The following CFAP54 variants were observed in gnomAD, a reference collection of about 807,000 sequenced individuals.
CFAP54 encodes the protein cilia and flagella associated protein 54.
In CFAP54, 290 loss-of-function variants were observed where a neutral mutation model predicts 370.4. The ratio of observed to expected loss-of-function variants is 0.78; its 90% CI spans 0.71 to 0.86. CFAP54 has a LOEUF of 0.86. CFAP54 is among the 40% of genes least tolerant of loss of function. The pLI is 0.00. For synonymous variants in CFAP54, 1,206 were observed against 1,236.5 expected (o/e 0.98, Z 0.52); for missense variants, 3,399 against 3,528.7 (o/e 0.96, Z 0.93).
At chr12:96,513,129 T>A in intron 5 of CFAP54, 85 bp downstream of exon 5, 1 of 527,412 alleles carries the variant, frequency 1.9e-6, no homozygotes, top group Non-Finnish European at 3.0e-6. Context: ...ATATTGAATG[T>A]TAAACAAGGA....
chr12:96,529,181 A>G (rs925472806), intron 9 of CFAP54, among the ~76,000 whole-genome samples: 2 of 152,200 alleles, frequency 1.3e-5, no homozygotes, highest in African/African-American at 2.4e-5. Context: ...GCACATGACC[A>G]GCTTTGGTAA....
chr12:96,668,962 G>GT (rs1227955074), intron 39 of CFAP54, among the ~76,000 whole-genome samples: 2 of 152,140 alleles, frequency 1.3e-5, no homozygotes, highest in East Asian at 3.8e-4. Flanking sequence ...CCTGTACTAG[G>GT]TACTGAGGAT....
Position 96,720,469 on chromosome 12 carries a change from C to G in CFAP54, c.6869C>G (p.Thr2290Ser), listed in dbSNP as rs1957737268. The change falls in exon 50 of 68, where the codon ACC (threonine) becomes AGC (serine). Residue 2290 changes from threonine (T) to serine (S), a missense_variant. Transcript: ENST00000524981. ...CTTCTGTCCGAGGTGGAACAGAAGACCCTGTCTCAGTGCTCCGCTGGCGAG... is the reference window on the plus strand; with the variant it reads ...CTTCTGTCCGAGGTGGAACAGAAGAGCCTGTCTCAGTGCTCCGCTGGCGAG... Reference protein sequence around the residue: ...NFLLSEVEQKTLSQCSAGELE... With the variant: ...NFLLSEVEQKSLSQCSAGELE... 1.5e-5 allele frequency: 24 copies of G among 1,605,600 alleles called. No homozygotes were observed. Among genetic ancestry groups the G allele is most frequent in the Non-Finnish European group, 2.0e-5 (23 of 1,175,578 alleles).
chr12:96,502,391 G>A (rs1487713912), intron 2 of CFAP54, among the ~76,000 whole-genome samples: 3 of 76,354 alleles, frequency 3.9e-5, no homozygotes, highest in African/African-American at 1.8e-4. Context: ...GCGAAACACT[G>A]TCCCTAAAAA....
chr12:96,546,264 T>C (rs1374268212), intron 14 of CFAP54, among the ~76,000 whole-genome samples: 1 of 152,182 alleles, frequency 6.6e-6, no homozygotes, highest in Admixed American at 6.5e-5. Flanking sequence ...ACCGCAGAAT[T>C]GATTTCATGT....
At chr12:96,658,622 T>TG (rs1175758228) in intron 38 of CFAP54, among the ~76,000 whole-genome samples, 3 of 152,020 alleles carry the variant, frequency 2.0e-5, no homozygotes, top group Non-Finnish European at 4.4e-5. Flanking sequence ...AGTACTTTTT[T>TG]TTTTTGTTTT....
intron 11 of CFAP54, among the ~76,000 whole-genome samples, chr12:96,535,069 T>TA (rs1955488329): frequency 6.6e-6 from 1 of 151,554 alleles, no homozygotes; most frequent in African/African-American, 2.4e-5. Flanking sequence ...TATTTATTTA[T>TA]TTATTTTGAG....
In CFAP54 at chr12:96,825,021, G is replaced by C. The variant is rs60826240; in HGVS notation, c.9097-3993G>C. ...GTTCCTTGAATGTCCCCTGTTCATT[G>C]CTTATGTGTGACTCCCCCCACCCTA... On this transcript the variant is annotated intron_variant, in intron 65 of 67. Transcript: ENST00000524981. 9.2e-3 allele frequency among the ~76,000 whole-genome samples: 1,394 copies of C among 150,806 alleles called. 19 individuals are homozygous for C. Among genetic ancestry groups the C allele is most frequent in the African/African-American group, 0.032 (1,310 of 40,932 alleles).
chr12:96,712,625 C>T (rs1179346234), intron 48 of CFAP54, among the ~76,000 whole-genome samples: 1 of 152,066 alleles, frequency 6.6e-6, no homozygotes, highest in African/African-American at 2.4e-5. Context: ...TTTATTTCTT[C>T]TATCTAATTT....
intron 20 of CFAP54, 42 bp from the exon 21 acceptor site, chr12:96,580,555 A>T (rs747243721): frequency 8.6e-7 from 1 of 1,162,994 alleles, no homozygotes; most frequent in Admixed American, 3.2e-5. Context: ...ACATTGATAT[A>T]AAAGAATGCC....
At chr12:96,618,265 C>T (rs182627935) in intron 26 of CFAP54, among the ~76,000 whole-genome samples, 1 of 152,224 alleles carries the variant, frequency 6.6e-6, no homozygotes, top group Admixed American at 6.5e-5. Context: ...CCAAAAAAAC[C>T]AATTCAGCTT....
intron 46 of CFAP54, among the ~76,000 whole-genome samples, chr12:96,701,296 T>C (rs1254343427): frequency 6.6e-6 from 1 of 152,172 alleles, no homozygotes; most frequent in Non-Finnish European, 1.5e-5. Flanking sequence ...TTAAGCATCA[T>C]CTTACCTGGA....
chr12:96,836,775 T>C (rs1959187457), intron 66 of CFAP54, among the ~76,000 whole-genome samples: 1 of 152,240 alleles, frequency 6.6e-6, no homozygotes, highest in Non-Finnish European at 1.5e-5. Flanking sequence ...CATTCCATTT[T>C]ATATGGTTGA....
At chr12:96,512,411 C>T (rs958950714) in intron 4 of CFAP54, among the ~76,000 whole-genome samples, 6 of 129,980 alleles carry the variant, frequency 4.6e-5, no homozygotes, top group East Asian at 2.2e-4. Context: ...GGCATGATCT[C>T]GGCTCACTGC....
At chr12:96,522,020 T>G in intron 7 of CFAP54, 50 bp downstream of exon 7, 1 of 1,523,822 alleles carries the variant, frequency 6.6e-7, no homozygotes, top group Non-Finnish European at 8.8e-7. Flanking sequence ...CTACAGCTGA[T>G]TAAATACTTA....
At chr12:96,556,337 A>C (rs558186653) in intron 17 of CFAP54, among the ~76,000 whole-genome samples, 8 of 152,204 alleles carry the variant, frequency 5.3e-5, no homozygotes, top group Non-Finnish European at 8.8e-5. Flanking sequence ...AAAAAATAAA[A>C]ATAAAACCCC....
intron 66 of CFAP54, among the ~76,000 whole-genome samples, chr12:96,845,610 T>C (rs1205204822): frequency 6.6e-6 from 1 of 152,228 alleles, no homozygotes; most frequent in Non-Finnish European, 1.5e-5. Flanking sequence ...CCCATGGGGT[T>C]GGCAGAGCCC....
rs935481384 is a variant in CFAP54 at position 96,521,941 on chromosome 12, C to G, written c.1027C>G (p.Arg343Gly). ...TTCCTCAAAATCCCAGGAAGAATCGCGAAGATATTTTCGAGAGGCCACAAT... is the reference window on the plus strand; with the variant it reads ...TTCCTCAAAATCCCAGGAAGAATCGGGAAGATATTTTCGAGAGGCCACAAT... ...MSSSKSQEESRRYFREATMKM... is the reference protein window; with the variant it reads ...MSSSKSQEESGRYFREATMKM... Residue 343 changes from arginine (R) to glycine (G), a missense_variant, in exon 7 of 68, where the codon CGA (arginine) becomes GGA (glycine). Around this residue, in one of 3 missense-constraint regions of CFAP54, gnomAD observed 559 missense variants for 576.7 expected, o/e 0.97. Transcript: ENST00000524981. 1.3e-6 allele frequency: 2 copies of G among 1,533,914 alleles called. No individual in the cohort carries two copies. Among genetic ancestry groups the G allele is most frequent in the African/African-American group, 2.7e-5 (2 of 72,954 alleles).
At chr12:96,735,764 T>C (rs1957973693) in intron 50 of CFAP54, among the ~76,000 whole-genome samples, 1 of 152,212 alleles carries the variant, frequency 6.6e-6, no homozygotes, top group South Asian at 2.1e-4. Flanking sequence ...TGGTTCATTT[T>C]ATACATTGAG....
Sources: allele counts gnomAD v4.1 joint callset (sites outside exome capture counted in the v4.1 genomes callset), GRCh38; gene constraint gnomAD v4.1.1; regional missense constraint gnomAD v4.1.1; transcripts MANE v1.5; gene names NCBI Gene and HGNC (gene_info 2026-07-23, HGNC 2026-07-21).